The following DIP2A variants were observed in gnomAD, a reference collection of about 807,000 sequenced individuals.
The protein encoded by DIP2A is DIP2 acetate--CoA ligase A.
In DIP2A, 85 loss-of-function variants were observed where a neutral mutation model predicts 177.4. That is an observed-to-expected ratio of 0.48 (90% confidence interval 0.40 to 0.57). DIP2A has a LOEUF of 0.57. DIP2A is among the 20% of genes least tolerant of loss of function. The pLI, the probability that DIP2A is intolerant of heterozygous loss-of-function variation, is 0.00. For synonymous variants in DIP2A, 886 were observed against 881.8 expected (o/e 1.00, Z -0.08); for missense variants, 1,791 against 2,100.2 (o/e 0.85, Z 2.88).
intron 1 of DIP2A, among the ~76,000 whole-genome samples, chr21:46,472,054 A>G (rs538005832): frequency 1.4e-3 from 213 of 152,354 alleles, no homozygotes; most frequent in Non-Finnish European, 2.5e-3. Flanking sequence ...CCTAACCCCA[A>G]TGGATTATAT....
chr21:46,510,363 G>A (rs1221873817), intron 7 of DIP2A, among the ~76,000 whole-genome samples: 2 of 152,080 alleles, frequency 1.3e-5, no homozygotes, highest in African/African-American at 4.8e-5. Context: ...TGACTCAAAC[G>A]TTAATCTCCT....
At chr21:46,523,393 ATTTTTTTTTTTT>A (rs61370008) in intron 8 of DIP2A, among the ~76,000 whole-genome samples, 2 of 89,914 alleles carry the variant, frequency 2.2e-5, no homozygotes, top group Admixed American at 1.5e-4. Context: ...CGCCTGGCTA[ATTTTTTTTTTTT>A]TTTTTTTTTT....
At chr21:46,558,733 A>G (rs1026215678) in intron 32 of DIP2A, 3 of 290,030 alleles carry the variant, frequency 1.0e-5, no homozygotes, top group African/African-American at 6.8e-5. Context: ...AAATTGAAAC[A>G]TTAATAAATG....
chr21:46,554,420 G>T (rs918482381), intron 26 of DIP2A, 128 bp downstream of exon 26: 35 of 1,547,922 alleles, frequency 2.3e-5, no homozygotes, highest in Non-Finnish European at 2.7e-5. Flanking sequence ...CTCTGCATGT[G>T]TCTGCCTCCT....
chr21:46,478,008 C>T (rs1050347359), intron 1 of DIP2A, among the ~76,000 whole-genome samples: 1 of 152,176 alleles, frequency 6.6e-6, no homozygotes, highest in Non-Finnish European at 1.5e-5. Flanking sequence ...AGAGGCTATC[C>T]TTCCCCTGCT....
At chr21:46,561,856 C>T in intron 34 of DIP2A, 51 bp downstream of exon 34, 1 of 1,609,184 alleles carries the variant, frequency 6.2e-7, no homozygotes, top group Non-Finnish European at 8.5e-7. Context: ...AGACCTTTGT[C>T]TGAAGCATCA....
chr21:46,534,559 A>G (rs749176306), intron 12 of DIP2A, 26 bp from the exon 13 acceptor site: 3 of 1,602,452 alleles, frequency 1.9e-6, no homozygotes, highest in Admixed American at 1.7e-5. Context: ...ATACCACATC[A>G]TGTTTTTTTC....
downstream of DIP2A, among the ~76,000 whole-genome samples, chr21:46,574,989 G>A (rs1166490779): frequency 2.0e-5 from 3 of 152,076 alleles, no homozygotes; most frequent in East Asian, 5.8e-4. Flanking sequence ...GAAAACTACA[G>A]ACCATGATTC....
At chr21:46,562,917 G>T (rs144411109) in intron 34 of DIP2A, among the ~76,000 whole-genome samples, 1 of 152,184 alleles carries the variant, frequency 6.6e-6, no homozygotes, top group East Asian at 1.9e-4. Context: ...TAAACTCAGC[G>T]GGTTTCCCTG....
intron 6 of DIP2A, among the ~76,000 whole-genome samples, chr21:46,509,024 A>G (rs966101199): frequency 6.6e-6 from 1 of 151,624 alleles, no homozygotes; most frequent in African/African-American, 2.4e-5. Context: ...TCTAAAGCAA[A>G]AAAACAAAAA....
intron 1 of DIP2A, among the ~76,000 whole-genome samples, chr21:46,463,999 C>T (rs761459340): frequency 2.6e-5 from 4 of 151,632 alleles, no homozygotes; most frequent in Non-Finnish European, 5.9e-5. Flanking sequence ...TGAGCCATCG[C>T]GCCTGGCCCA....
chr21:46,539,747 C>T, intron 16 of DIP2A, 130 bp from the exon 17 acceptor site: 2 of 775,104 alleles, frequency 2.6e-6, no homozygotes, highest in African/African-American at 1.7e-5. Context: ...TGAAGGGGCC[C>T]CTTCCTTCTG....
At chr21:46,530,186 A>T (rs1162771022) in intron 9 of DIP2A, among the ~76,000 whole-genome samples, 1 of 152,154 alleles carries the variant, frequency 6.6e-6, no homozygotes, top group Non-Finnish European at 1.5e-5. Flanking sequence ...AAAATAGGAG[A>T]ACATGGTGAA....
At position 46,556,422 on chromosome 21, in the gene DIP2A, G is replaced by C; in HGVS notation, c.3498+331G>C. ...TTTCAGGCGGGGCGTGGTGGCTCAC[G>C]CCTGTAATCCCAGCACTTCGGGAGG... On this transcript the variant is annotated intron_variant, in intron 29 of 37. Coordinates refer to ENST00000417564, the MANE Select transcript of DIP2A (RefSeq NM_015151.4). This position sits in a 1 kb window ranked among gnomAD's most constrained non-coding sequence, Gnocchi z 4.5. 1 of 1,323,248 alleles carries C rather than the reference G, an allele frequency of 7.6e-7. No homozygotes were observed. Among genetic ancestry groups the C allele is most frequent in the South Asian group, 1.2e-5 (1 of 81,076 alleles). The allele number at this position is 1,323,248 out of a possible 1,614,324, so 82.0% of individuals were successfully genotyped here.
the DIP2A span, among the ~76,000 whole-genome samples, chr21:46,583,067 A>T: frequency 6.6e-6 from 1 of 152,210 alleles, no homozygotes; most frequent in Non-Finnish European, 1.5e-5. Context: ...GAGAAAAGGT[A>T]CATCATTCAA....
At chr21:46,468,424 AAAAAG>A (rs1347072656) in intron 1 of DIP2A, among the ~76,000 whole-genome samples, 9 of 151,724 alleles carry the variant, frequency 5.9e-5, no homozygotes, top group Non-Finnish European at 8.8e-5. Flanking sequence ...AAAAAAAAAA[AAAAAG>A]AGAGAAAATC....
intron 18 of DIP2A, 31 bp downstream of exon 18, chr21:46,541,926 C>T (rs2148819355): frequency 1.2e-6 from 2 of 1,613,500 alleles, no homozygotes; most frequent in Non-Finnish European, 8.5e-7. Context: ...GGGTCTTTGT[C>T]CATGACTGAT....
At chr21:46,551,428 A>G (rs999291711) in intron 23 of DIP2A, among the ~76,000 whole-genome samples, 4 of 151,622 alleles carry the variant, frequency 2.6e-5, no homozygotes, top group African/African-American at 7.3e-5. Flanking sequence ...AAACTTCTCA[A>G]TAAGGCGTAG....
chr21:46,562,615 G>C (rs1223661967), intron 34 of DIP2A, among the ~76,000 whole-genome samples: 1 of 152,242 alleles, frequency 6.6e-6, no homozygotes, highest in Non-Finnish European at 1.5e-5. Context: ...CACAGCTGCT[G>C]TGAGGGTCTC....
Sources: allele counts gnomAD v4.1 joint callset (sites outside exome capture counted in the v4.1 genomes callset), GRCh38; gene constraint gnomAD v4.1.1; non-coding constraint Gnocchi (gnomAD v3.1); transcripts MANE v1.5; gene names NCBI Gene and HGNC (gene_info 2026-07-23, HGNC 2026-07-21).